ANP32A: variants seen among roughly 807,000 people sequenced by gnomAD.
ANP32A encodes the protein acidic nuclear phosphoprotein 32 family member A, also known as acidic leucine-rich nuclear phosphoprotein 32 family member A.
Under a neutral mutation model 33.9 loss-of-function variants are expected in ANP32A, and 1 was observed. That is an observed-to-expected ratio of 0.03 (90% CI 0.01 to 0.14). The LOEUF (loss-of-function observed/expected upper bound fraction) is 0.14, where lower values mean the gene tolerates loss of function less well. ANP32A is among the 10% of genes least tolerant of loss of function. The pLI, the probability that ANP32A is intolerant of heterozygous loss-of-function variation, is 1.00. For synonymous variants in ANP32A, 115 were observed against 120.5 expected, an observed-to-expected ratio of 0.95 and a Z score of 0.30; for missense variants, 155 against 306.0, an observed-to-expected ratio of 0.51 and a Z score of 3.68.
intron 1 of ANP32A, among the ~76,000 whole-genome samples, chr15:68,800,296 T>G (rs1289408427): frequency 6.6e-6 from 1 of 152,148 alleles, no homozygotes; most frequent in African/African-American, 2.4e-5. Flanking sequence ...CTACATGCCA[T>G]GCCAGGTACT....
chr15:68,801,219 G>GAAAAA (rs745414575), intron 1 of ANP32A, among the ~76,000 whole-genome samples: 2 of 111,160 alleles, frequency 1.8e-5, no homozygotes, highest in Admixed American at 9.6e-5. Flanking sequence ...AGAAGAAGAA[G>GAAAAA]AAAAAAAAAA....
At chr15:68,784,711 G>A (rs910606721) in intron 3 of ANP32A, 116 bp from the exon 4 acceptor site, 1 of 1,203,114 alleles carries the variant, frequency 8.3e-7, no homozygotes, top group Non-Finnish European at 1.2e-6. Flanking sequence ...ATGACTTCCA[G>A]GTGATAAGGA....
chr15:68,780,017 GA>G lies in ANP32A; in HGVS notation c.*63del, dbSNP rs368809555. ...AGGGGGCAGGATTGGAGGGGGGGGG[GA>G]GAGGGGATATGGGTAAAAACAGTCA... On this transcript the variant is annotated 3_prime_UTR_variant, in exon 7 of 7. Coordinates refer to ENST00000465139, the MANE Select transcript of ANP32A (RefSeq NM_006305.4). The surrounding 1 kb of genome is among the most constrained non-coding windows in gnomAD (Gnocchi z 4.3). 20 of 1,436,418 alleles carry G rather than the reference GA, an allele frequency of 1.4e-5. No individual in the cohort carries two copies. The highest frequency in any genetic ancestry group is 1.8e-5 in the Admixed American group (1 of 55,292). 89.0% of individuals were successfully genotyped at this position (1,436,418 alleles called of 1,614,324 possible).
intron 1 of ANP32A, among the ~76,000 whole-genome samples, chr15:68,816,452 A>G (rs1219092422): frequency 6.6e-6 from 1 of 152,188 alleles, no homozygotes. Context: ...TAGTTGATAC[A>G]TGTAATCCAC....
intron 1 of ANP32A, among the ~76,000 whole-genome samples, chr15:68,811,500 G>A (rs1044932357): frequency 5.9e-5 from 9 of 152,122 alleles, no homozygotes; most frequent in African/African-American, 1.9e-4. Context: ...CGTCCTGGCC[G>A]GGAGGGAAGG....
At chr15:68,798,900 G>A (rs887829306) in intron 1 of ANP32A, among the ~76,000 whole-genome samples, 5 of 152,338 alleles carry the variant, frequency 3.3e-5, no homozygotes, top group African/African-American at 9.6e-5. Context: ...CCTCGGCACT[G>A]AAGCCCTGTT....
intron 1 of ANP32A, among the ~76,000 whole-genome samples, chr15:68,806,257 C>T (rs1457484762): frequency 6.6e-6 from 1 of 152,180 alleles, no homozygotes; most frequent in Admixed American, 6.5e-5. Context: ...GGGTGCCTCT[C>T]AGACCAAGAT....
intron 1 of ANP32A, among the ~76,000 whole-genome samples, chr15:68,800,463 C>T (rs1246185832): frequency 6.6e-6 from 1 of 150,644 alleles, no homozygotes; most frequent in Non-Finnish European, 1.5e-5. Flanking sequence ...GACAGAAAGG[C>T]ACCGGGCGCG....
chr15:68,785,805 T>C (rs1304473613), intron 3 of ANP32A, among the ~76,000 whole-genome samples: 3 of 152,214 alleles, frequency 2.0e-5, no homozygotes, highest in Admixed American at 2.0e-4. Flanking sequence ...CACAATGTTT[T>C]ACAAGGATTT....
intron 1 of ANP32A, chr15:68,791,837 A>T (rs564899408): frequency 2.6e-5 from 4 of 152,884 alleles, no homozygotes; most frequent in African/African-American, 9.6e-5. Context: ...CTGCTTTGTC[A>T]TGAGATGAAG....
chr15:68,808,171 A>G (rs1443353523), intron 1 of ANP32A, among the ~76,000 whole-genome samples: 1 of 152,088 alleles, frequency 6.6e-6, no homozygotes, highest in African/African-American at 2.4e-5. Context: ...GAAGCTCTGC[A>G]CCCTGCTCCA....
At chr15:68,781,217 C>T (rs980872898) in intron 5 of ANP32A, 1 of 152,084 alleles carries the variant, frequency 6.6e-6, no homozygotes, top group Non-Finnish European at 1.5e-5. Flanking sequence ...GGGAAACATT[C>T]TTTTAAAATG....
intron 1 of ANP32A, among the ~76,000 whole-genome samples, chr15:68,805,034 G>C (rs1189027499): frequency 6.6e-6 from 1 of 152,168 alleles, no homozygotes; most frequent in Non-Finnish European, 1.5e-5. Flanking sequence ...CTGTATTTGT[G>C]ACCTCTGATT....
At chr15:68,809,342 G>C (rs1156837785) in intron 1 of ANP32A, among the ~76,000 whole-genome samples, 2 of 152,188 alleles carry the variant, frequency 1.3e-5, no homozygotes, top group African/African-American at 4.8e-5. Flanking sequence ...CTTTTACAGA[G>C]TGAACTTTAG....
chr15:68,787,098 CA>C, intron 3 of ANP32A: 1 of 321,228 alleles, frequency 3.1e-6, no homozygotes, highest in South Asian at 3.4e-5. Context: ...AACCTGAAGA[CA>C]TTACAGCTCA....
chr15:68,804,147 C>A (rs983520917), intron 1 of ANP32A, among the ~76,000 whole-genome samples: 5 of 152,140 alleles, frequency 3.3e-5, no homozygotes, highest in African/African-American at 1.2e-4. Context: ...TAATCTATTT[C>A]GCTTTCCCAG....
intron 5 of ANP32A, among the ~76,000 whole-genome samples, chr15:68,782,223 G>A (rs1893878118): frequency 2.6e-5 from 4 of 152,222 alleles, no homozygotes; most frequent in Admixed American, 2.6e-4. Context: ...CAGGAACCTG[G>A]AGGAGGGTGT....
At chr15:68,806,282 A>G (rs1894222216) in intron 1 of ANP32A, among the ~76,000 whole-genome samples, 1 of 152,060 alleles carries the variant, frequency 6.6e-6, no homozygotes, top group Non-Finnish European at 1.5e-5. Context: ...ATCTTGCTGG[A>G]GTCTATGGCC....
At chr15:68,807,900 A>T (rs1213095758) in intron 1 of ANP32A, among the ~76,000 whole-genome samples, 1 of 152,188 alleles carries the variant, frequency 6.6e-6, no homozygotes, top group African/African-American at 2.4e-5. Context: ...AGGATGGGCC[A>T]AGTCCAGTCT....
Sources: allele counts gnomAD v4.1 joint callset (sites outside exome capture counted in the v4.1 genomes callset), GRCh38; gene constraint gnomAD v4.1.1; non-coding constraint Gnocchi (gnomAD v3.1); transcripts MANE v1.5; gene names NCBI Gene and HGNC (gene_info 2026-07-23, HGNC 2026-07-21).